Variants in ANK1 observed in about 807,000 individuals in gnomAD.
The protein encoded by ANK1 is ankyrin-1.
A neutral mutation model predicts 210.4 loss-of-function variants in ANK1; 51 were observed. The observed-to-expected ratio is 0.24, with a 90% CI of 0.19 to 0.31. ANK1 has a LOEUF of 0.31. Among genes scored for constraint, ANK1 ranks in the 10% least tolerant of loss-of-function variants. The pLI is 1.00. For missense variants in ANK1, 2,051 were observed against 2,504.4 expected (o/e 0.82, Z 3.86); for synonymous variants, 967 against 1,025.9 (o/e 0.94, Z 1.10).
At chr8:41,751,165 A>G (rs1287617815) in intron 2 of ANK1, among the ~76,000 whole-genome samples, 3 of 152,246 alleles carry the variant, frequency 2.0e-5, no homozygotes, top group Non-Finnish European at 4.4e-5. Flanking sequence ...CTCCATGAGA[A>G]AAAATTTTGA....
chr8:41,672,648 T>A lies in ANK1; in HGVS notation c.4802A>T (p.Lys1601Met). 1 of 1,614,200 alleles carries A rather than the reference T, an allele frequency of 6.2e-7. No homozygotes were observed. The highest frequency in any genetic ancestry group is 8.5e-7 in the Non-Finnish European group (1 of 1,180,032). The change falls in exon 38 of 43, where the codon AAG (lysine) becomes ATG (methionine). Residue 1601 changes from lysine (K) to methionine (M), a missense_variant. Transcript: ENST00000289734. ...EDSDATGHEWKLEGALSEEPR... is the reference protein window; with the variant it reads ...EDSDATGHEWMLEGALSEEPR... ...TTCCTCTGAGAGTGCCCCCTCCAAC[T>A]TCCACTCGTGACCTGTGGCATCAGA...
chr8:41,724,138 C>T (rs957713193), intron 7 of ANK1, among the ~76,000 whole-genome samples: 2 of 152,316 alleles, frequency 1.3e-5, no homozygotes. Context: ...GGTCATCCCA[C>T]CACACCACCC....
chr8:41,743,446 C>G (rs1835286903), intron 2 of ANK1, among the ~76,000 whole-genome samples: 1 of 152,152 alleles, frequency 6.6e-6, no homozygotes, highest in Non-Finnish European at 1.5e-5. Context: ...AATTTTCAAC[C>G]AAAACAGAAA....
chr8:41,657,517 A>G (rs367762520), intron 42 of ANK1, among the ~76,000 whole-genome samples: 71 of 152,346 alleles, frequency 4.7e-4, no homozygotes, highest in Admixed American at 7.2e-4. Context: ...TTCCCTGACT[A>G]GATTAGAAAC....
intron 40 of ANK1, among the ~76,000 whole-genome samples, chr8:41,662,655 C>T (rs973138783): frequency 3.3e-5 from 5 of 152,304 alleles, no homozygotes; most frequent in African/African-American, 1.2e-4. Context: ...CTGTATCTGC[C>T]GTGTGCTCTG....
intron 1 of ANK1, among the ~76,000 whole-genome samples, chr8:41,762,857 A>C (rs1014900887): frequency 6.6e-6 from 1 of 152,232 alleles, no homozygotes; most frequent in Non-Finnish European, 1.5e-5. Flanking sequence ...GGTGGATAAA[A>C]ATAGACTCAA....
In ANK1 at chr8:41,682,389, C is replaced by T. The variant is rs1384895862; in HGVS notation, c.4537+2155G>A. Among the ~76,000 whole-genome samples, 4 of 152,252 alleles carry T rather than the reference C, an allele frequency of 2.6e-5. No homozygotes were observed. In the East Asian group the frequency reaches 7.7e-4, roughly 29 times the overall value. On this transcript the variant is annotated intron_variant, in intron 37 of 42. Coordinates refer to ENST00000289734, the MANE Select transcript of ANK1 (RefSeq NM_000037.4). ...TCTCCTGCACCATGCACGTTAACTG[C>T]TGGTGTGTGATACAATTCCCCGCGT...
intron 1 of ANK1, among the ~76,000 whole-genome samples, chr8:41,871,158 G>A (rs1370819276): frequency 6.6e-6 from 1 of 152,164 alleles, no homozygotes; most frequent in Non-Finnish European, 1.5e-5. Context: ...CAGGTCCAGG[G>A]TGCCTTCCCA....
chr8:41,712,785 T>C (rs1420623020), intron 16 of ANK1, among the ~76,000 whole-genome samples: 1 of 152,248 alleles, frequency 6.6e-6, no homozygotes, highest in East Asian at 1.9e-4. Context: ...AGCCCATCTG[T>C]ACAGGGTTTG....
intron 1 of ANK1, among the ~76,000 whole-genome samples, chr8:41,771,362 C>T (rs912878770): frequency 3.3e-5 from 5 of 152,154 alleles, no homozygotes; most frequent in African/African-American, 1.2e-4. Context: ...AACTATTGTT[C>T]TTTTCCCCAT....
At chr8:41,786,038 G>C (rs973138029) in intron 1 of ANK1, among the ~76,000 whole-genome samples, 28 of 152,212 alleles carry the variant, frequency 1.8e-4, no homozygotes, top group Admixed American at 1.8e-3. Flanking sequence ...ATCGTCCCTT[G>C]ATTCCCTCCG....
intron 22 of ANK1, among the ~76,000 whole-genome samples, chr8:41,700,097 G>C (rs1405158722): frequency 6.6e-6 from 1 of 152,182 alleles, no homozygotes; most frequent in Non-Finnish European, 1.5e-5. Flanking sequence ...CTGGAGCCCC[G>C]GCCCTCGACC....
At chr8:41,782,207 AATAACTGAAT>A (rs1420922328) in intron 1 of ANK1, among the ~76,000 whole-genome samples, 1 of 152,224 alleles carries the variant, frequency 6.6e-6, no homozygotes, top group Non-Finnish European at 1.5e-5. Flanking sequence ...CAGATGGAAA[AATAACTGAAT>A]ATTTCCATAG....
intron 11 of ANK1, 40 bp downstream of exon 11, chr8:41,718,066 C>T: frequency 1.3e-6 from 2 of 1,597,414 alleles, no homozygotes; most frequent in Non-Finnish European, 1.7e-6. Flanking sequence ...TCGGGGGAGA[C>T]CACAGGCCTG....
At chr8:41,674,136 C>T (rs985917278) in intron 37 of ANK1, among the ~76,000 whole-genome samples, 5 of 152,244 alleles carry the variant, frequency 3.3e-5, no homozygotes, top group Admixed American at 6.5e-5. Flanking sequence ...CGCTCGGGGC[C>T]TCAGCCTCCG....
At chr8:41,878,935 C>G (rs1009426520) in intron 1 of ANK1, among the ~76,000 whole-genome samples, 2 of 152,008 alleles carry the variant, frequency 1.3e-5, no homozygotes, top group Non-Finnish European at 2.9e-5. Context: ...TGGTGGTAGA[C>G]GCCTGTAATC....
intron 22 of ANK1, among the ~76,000 whole-genome samples, chr8:41,701,245 CTT>C (rs1324566779): frequency 2.0e-5 from 3 of 152,208 alleles, no homozygotes; most frequent in African/African-American, 7.2e-5. Flanking sequence ...GGTGCGGAGA[CTT>C]GATCTCAGTA....
chr8:41,803,057 GAGAA>G (rs1468331617), intron 1 of ANK1, among the ~76,000 whole-genome samples: 2 of 36,074 alleles, frequency 5.5e-5, no homozygotes, highest in Non-Finnish European at 1.2e-4. Context: ...GAAAGAAAGA[GAGAA>G]AGGAAGGAAG....
intron 1 of ANK1, among the ~76,000 whole-genome samples, chr8:41,818,726 C>A (rs1236136571): frequency 6.6e-6 from 1 of 151,806 alleles, no homozygotes; most frequent in Admixed American, 6.6e-5. Context: ...TTCAGCAATC[C>A]TCCTGCCTCT....
Sources: allele counts gnomAD v4.1 joint callset (sites outside exome capture counted in the v4.1 genomes callset), GRCh38; gene constraint gnomAD v4.1.1; transcripts MANE v1.5; gene names NCBI Gene and HGNC (gene_info 2026-07-23, HGNC 2026-07-21).